Variants in NUTM2E observed in about 807,000 individuals in gnomAD.
NUTM2E encodes NUT family member 2E, also known as family with sequence similarity 22, member E.
NUTM2E carries 3 observed loss-of-function variants against 26.1 expected under a neutral mutation model. The observed-to-expected ratio is 0.12, with a 90% CI of 0.05 to 0.30. The LOEUF (loss-of-function observed/expected upper bound fraction) is 0.30, where lower values mean the gene tolerates loss of function less well. Among genes scored for constraint, NUTM2E ranks in the 10% least tolerant of loss-of-function variants. The probability of loss-of-function intolerance (pLI) is 1.00; values close to 1 mark genes in which losing one functional copy is unlikely to be tolerated. For synonymous variants in NUTM2E, 13 were observed against 157.5 expected (o/e 0.08, Z 6.87); for missense variants, 62 against 381.3 (o/e 0.16, Z 6.97).
chr10:79,838,733 T>A (rs1421089405), intron 2 of NUTM2E, among the ~76,000 whole-genome samples, 47 bp from the exon 3 acceptor site: 1 of 151,964 alleles, frequency 6.6e-6, no homozygotes, highest in Non-Finnish European at 1.5e-5. Context: ...AGTGGGAGCA[T>A]GACCAGGAGG....
At chr10:79,834,620 A>T (rs1841949186) in intron 1 of NUTM2E, among the ~76,000 whole-genome samples, 2 of 150,806 alleles carry the variant, frequency 1.3e-5, no homozygotes, top group South Asian at 4.2e-4. Flanking sequence ...GTGAGCCCAG[A>T]TCACGCCACC....
intron 1 of NUTM2E, among the ~76,000 whole-genome samples, chr10:79,837,514 A>G (rs1208479315): frequency 1.3e-5 from 2 of 152,186 alleles, no homozygotes; most frequent in Non-Finnish European, 2.9e-5. Context: ...AGTGAGGGGA[A>G]GCAGTCATAG....
In NUTM2E at chr10:79,827,078, C is replaced by G. The variant is rs950886765; in HGVS notation, c.-3007C>G. The G allele has an allele frequency of 6.6e-6, 1 of 151,420 alleles. No homozygotes were observed. The allele number at this position is 151,420 out of a possible 1,614,324, so 9.4% of individuals were successfully genotyped here. A position where few individuals can be genotyped will look rare whatever the true frequency, so the allele number is the denominator to read the frequency against. ...AAATCGAGCCGACTACGGCCCAGCC[C>G]CGCCCGCGGCGAGGTGCGCGGGGTT... On this transcript the variant is annotated 5_prime_UTR_variant, in exon 1 of 10. Coordinates refer to ENST00000429984, the MANE Select transcript of NUTM2E (RefSeq NM_001355263.2).
chr10:79,839,227 T>C (rs1841984439), intron 3 of NUTM2E, among the ~76,000 whole-genome samples, 112 bp downstream of exon 3: 1 of 150,798 alleles, frequency 6.6e-6, no homozygotes, highest in African/African-American at 2.4e-5. Flanking sequence ...TTGCATTCCC[T>C]TTGGATGGCA....
chr10:79,836,746 A>T (rs889356074), intron 1 of NUTM2E, among the ~76,000 whole-genome samples: 3 of 151,976 alleles, frequency 2.0e-5, no homozygotes, highest in African/African-American at 7.2e-5. Flanking sequence ...GAGTACTTGA[A>T]ACTGCCTGTA....
chr10:79,829,908 G>A (rs1339117857), intron 1 of NUTM2E, among the ~76,000 whole-genome samples: 2 of 151,314 alleles, frequency 1.3e-5, no homozygotes, highest in Non-Finnish European at 3.0e-5. Flanking sequence ...TGGAGTTGCA[G>A]ACAAAACAAA....
At chr10:79,829,355 A>G (rs534816691) in intron 1 of NUTM2E, among the ~76,000 whole-genome samples, 6 of 151,710 alleles carry the variant, frequency 4.0e-5, no homozygotes, top group African/African-American at 1.4e-4. Flanking sequence ...ATTCTAGTAC[A>G]ATATTTCTTC....
At position 79,827,005 on chromosome 10, in the gene NUTM2E, A is replaced by G. The variant is rs868555186; in HGVS notation, c.-3080A>G. The G allele has an allele frequency of 1.0e-4, 3 of 29,058 alleles. No individual in the cohort carries two copies. The highest frequency in any genetic ancestry group is 3.3e-4 in the Non-Finnish European group (3 of 8,956). The allele number at this position is 29,058 out of a possible 1,614,324, so 1.8% of individuals were successfully genotyped here. On this transcript the variant is annotated 5_prime_UTR_variant, in exon 1 of 10. Coordinates refer to ENST00000429984, the MANE Select transcript of NUTM2E (RefSeq NM_001355263.2). Reference sequence around the variant, plus strand: ...CTGTTCTCCCTAAGCACCCTCGCTCACGTCGCCTCGCCTCGCCTGACCGGC... The same window carrying G: ...CTGTTCTCCCTAAGCACCCTCGCTCGCGTCGCCTCGCCTCGCCTGACCGGC...
At chr10:79,838,206 C>CGG (rs1252697542) in intron 1 of NUTM2E, among the ~76,000 whole-genome samples, 103 bp from the exon 2 acceptor site, 6 of 142,996 alleles carry the variant, frequency 4.2e-5, no homozygotes, top group East Asian at 2.0e-4. Context: ...AAGCGATTCT[C>CGG]ATGGAAGCTT....
chr10:79,832,879 G>A (rs11196393), intron 1 of NUTM2E, among the ~76,000 whole-genome samples: 125,119 of 151,556 alleles, frequency 0.83, 52,355 homozygotes, highest in East Asian at 0.99. Flanking sequence ...GTGTGTGTAT[G>A]TGTGTGTGTG....
At position 79,840,708 on chromosome 10, in the gene NUTM2E, G is replaced by A. The variant is rs1246243647; in HGVS notation, c.-1033G>A. On this transcript the variant is annotated 5_prime_UTR_variant, in exon 4 of 10. An upstream start codon of the reference 5' UTR is lost. Transcript: ENST00000429984. Reference sequence around the variant, plus strand: ...TCCAAGTGTCTTCGAAAGGGCAAATGCTTCGTAAGTGCCGACAGGGTGTGT... The same window carrying A: ...TCCAAGTGTCTTCGAAAGGGCAAATACTTCGTAAGTGCCGACAGGGTGTGT... Among the ~76,000 whole-genome samples, 1 of 151,104 alleles carries A rather than the reference G, an allele frequency of 6.6e-6. No homozygotes were observed. The highest frequency in any genetic ancestry group is 1.5e-5 in the Non-Finnish European group (1 of 67,834).
intron 1 of NUTM2E, among the ~76,000 whole-genome samples, chr10:79,835,277 C>G (rs1037829207): frequency 6.6e-6 from 1 of 150,984 alleles, no homozygotes. Context: ...AATCCGGACT[C>G]TAGTCTCCTC....
At position 79,849,232 on chromosome 10, in the gene NUTM2E, C is replaced by G. The variant is rs1224271611; in HGVS notation, c.1735-139C>G. The G allele has an allele frequency of 2.4e-3, 595 of 250,950 alleles. 1 individual carries two copies. Among genetic ancestry groups the G allele is most frequent in the African/African-American group, 0.021 (555 of 26,250 alleles). The allele number at this position is 250,950 out of a possible 1,614,324, so 15.5% of individuals were successfully genotyped here. On this transcript the variant is annotated intron_variant, in intron 8 of 9. Coordinates refer to ENST00000429984, the MANE Select transcript of NUTM2E (RefSeq NM_001355263.2). ...CCAGGTCTGTGGTCTGTGTCTGTAG[C>G]TGGTGGTCACCATGATATGAGACAG...
rs1247453529 is a variant in NUTM2E at position 79,826,886 on chromosome 10, T to A, written c.-3199T>A. Reference sequence around the variant, plus strand: ...AGTCCCGGACGGGCCCGCGGCATCGTCCGCGACGCAGCTCGGGATCCGGGT... The same window carrying A: ...AGTCCCGGACGGGCCCGCGGCATCGACCGCGACGCAGCTCGGGATCCGGGT... On this transcript the variant is annotated 5_prime_UTR_variant, in exon 1 of 10. Coordinates refer to ENST00000429984, the MANE Select transcript of NUTM2E (RefSeq NM_001355263.2). The A allele has an allele frequency of 6.6e-6, 1 of 151,242 alleles. No individual in the cohort carries two copies. Among genetic ancestry groups the A allele is most frequent in the Non-Finnish European group, 1.5e-5 (1 of 67,732 alleles). 9.4% of individuals were successfully genotyped at this position (151,242 alleles called of 1,614,324 possible).
intron 1 of NUTM2E, among the ~76,000 whole-genome samples, chr10:79,827,808 TG>T (rs1193186452): frequency 0.012 from 1,555 of 126,202 alleles, 23 homozygotes; most frequent in African/African-American, 0.035. Context: ...TTTTTTTTTT[TG>T]TTTTTTTTTG....
At chr10:79,849,153 CTGTT>C (rs1266851008) in intron 8 of NUTM2E, among the ~76,000 whole-genome samples, 1 of 78,472 alleles carries the variant, frequency 1.3e-5, no homozygotes, top group African/African-American at 4.2e-5. Flanking sequence ...ATATGTGGGT[CTGTT>C]TGTGTGTCTG....
At chr10:79,829,044 T>C (rs149104730) in intron 1 of NUTM2E, among the ~76,000 whole-genome samples, 7,776 of 151,836 alleles carry the variant, frequency 0.051, 558 homozygotes, top group East Asian at 0.22. Context: ...TTTAGGGAAA[T>C]ACAATGTCAA....
chr10:79,827,678 C>G (rs1336363341), intron 1 of NUTM2E: 3 of 149,974 alleles, frequency 2.0e-5, no homozygotes. Flanking sequence ...AAGTGGAGCC[C>G]AGAAAGAACT....
chr10:79,837,723 A>ATG (rs1841972681), intron 1 of NUTM2E, among the ~76,000 whole-genome samples: 2 of 152,004 alleles, frequency 1.3e-5, no homozygotes, highest in South Asian at 2.1e-4. Context: ...CAGTGTGTGT[A>ATG]TGTGTGTGTG....
Sources: allele counts gnomAD v4.1 joint callset (sites outside exome capture counted in the v4.1 genomes callset), GRCh38; gene constraint gnomAD v4.1.1; transcripts MANE v1.5; gene names NCBI Gene and HGNC (gene_info 2026-07-23, HGNC 2026-07-21).